DEFB108B: variants seen among roughly 807,000 people sequenced by gnomAD.
The protein encoded by DEFB108B is defensin beta 108B.
In DEFB108B, 3 loss-of-function variants were observed where a neutral mutation model predicts 2.4. That is an observed-to-expected ratio of 1.25 (90% CI 0.57 to 3.24). The LOEUF (loss-of-function observed/expected upper bound fraction) is 3.24. Ranked by LOEUF, DEFB108B falls within the 30% of genes most tolerant of loss-of-function variation. The probability of loss-of-function intolerance (pLI) is 0.03; values close to 1 mark genes in which losing one functional copy is unlikely to be tolerated. For missense variants in DEFB108B, 101 were observed against 87.8 expected, an observed-to-expected ratio of 1.15 and a Z score of -0.60; for synonymous variants, 25 against 28.7, an observed-to-expected ratio of 0.87 and a Z score of 0.41.
intron 1 of DEFB108B, among the ~76,000 whole-genome samples, chr11:71,834,475 A>AT (rs984381023): frequency 2.6e-5 from 4 of 152,068 alleles, no homozygotes; most frequent in Admixed American, 6.6e-5. Flanking sequence ...GGATAAACAA[A>AT]TTTTTTTTGT....
intron 1 of DEFB108B, chr11:71,834,817 C>T (rs1952205525): frequency 6.6e-6 from 1 of 152,158 alleles, no homozygotes; most frequent in African/African-American, 2.4e-5. Context: ...TGATCTTGAG[C>T]AAGTTTCTTT....
chr11:71,837,305 A>T lies in DEFB108B; in HGVS notation c.59-94A>T, dbSNP rs577521004. 814 of 1,455,858 alleles carry T rather than the reference A, an allele frequency of 5.6e-4. 2 individuals are homozygous for T. The highest frequency in any genetic ancestry group is 7.5e-4 in the Non-Finnish European group (781 of 1,044,064). The allele number at this position is 1,455,858 out of a possible 1,614,324, so 90.2% of individuals were successfully genotyped here. On this transcript the variant is annotated intron_variant, in intron 1 of 1. Coordinates refer to ENST00000328698, the MANE Select transcript of DEFB108B (RefSeq NM_001002035.2). Reference sequence around the variant, plus strand: ...ACACACACACACAAATCCACACAAGATTATTTTCAAGCACTGCCCCCTACA... The same window carrying T: ...ACACACACACACAAATCCACACAAGTTTATTTTCAAGCACTGCCCCCTACA...
intron 1 of DEFB108B, among the ~76,000 whole-genome samples, chr11:71,835,793 ATTCCACAATCAT>A (rs1453306018): frequency 2.0e-5 from 3 of 152,240 alleles, no homozygotes; most frequent in Non-Finnish European, 2.9e-5. Context: ...TTAATCAATT[ATTCCACAATCAT>A]TTACTGAATA....
chr11:71,833,261 A>T lies in DEFB108B; in HGVS notation c.58+4A>T, dbSNP rs565971897. ...TTTATGAGCCAAGTTCTACCAGGTAACAAAATAAACTTGGTAAGAGTAGAG... is the reference window on the plus strand; with the variant it reads ...TTTATGAGCCAAGTTCTACCAGGTATCAAAATAAACTTGGTAAGAGTAGAG... On this transcript the variant is annotated splice_donor_region_variant and intron_variant, in intron 1 of 1. Coordinates refer to ENST00000328698, the MANE Select transcript of DEFB108B (RefSeq NM_001002035.2). 1.9e-6 allele frequency: 3 copies of T among 1,549,106 alleles called. No individual in the cohort carries two copies. The African/African-American group carries it at 4.1e-5, about 21-fold the overall frequency.
chr11:71,837,549 C>T lies in DEFB108B; in HGVS notation c.209C>T (p.Pro70Leu), dbSNP rs760706013. 153 of 1,609,794 alleles carry T rather than the reference C, an allele frequency of 9.5e-5. No individual in the cohort carries two copies. Among genetic ancestry groups the T allele is most frequent in the Non-Finnish European group, 1.3e-4 (150 of 1,179,038 alleles). Residue 70 changes from proline to leucine, a missense_variant, in exon 2 of 2, where the codon CCC becomes CTC. By Grantham distance (98) the Pro-to-Leu change is moderately conservative (BLOSUM62 -3). Coordinates refer to ENST00000328698, the MANE Select transcript of DEFB108B (RefSeq NM_001002035.2). Reference sequence around the variant, plus strand: ...CAACCAAGAATTGAGAGCACTACACCCAAAAAGGACTGAAGCCTGTTGTTT... The same window carrying T: ...CAACCAAGAATTGAGAGCACTACACTCAAAAAGGACTGAAGCCTGTTGTTT... Reference protein sequence around the residue: ...GHQPRIESTTPKKD With the variant: ...GHQPRIESTTLKKD
At position 71,837,441 on chromosome 11, in the gene DEFB108B, C is replaced by A; in HGVS notation, c.101C>A (p.Ser34Tyr). 2 of 1,611,992 alleles carry A rather than the reference C, an allele frequency of 1.2e-6. No individual in the cohort carries two copies. Among genetic ancestry groups the A allele is most frequent in the Non-Finnish European group, 1.7e-6 (2 of 1,179,834 alleles). ...FKEICERPNG[S>Y]CRDFCLETEI... ...GAGATCTGTGAACGTCCAAATGGCTCCTGTCGGGACTTTTGCCTTGAAACA... is the reference window on the plus strand; with the variant it reads ...GAGATCTGTGAACGTCCAAATGGCTACTGTCGGGACTTTTGCCTTGAAACA... Residue 34 changes from serine to tyrosine, a missense_variant, in exon 2 of 2, where the codon TCC becomes TAC. By Grantham distance (144) the Ser-to-Tyr change is moderately radical. Coordinates refer to ENST00000328698, the MANE Select transcript of DEFB108B (RefSeq NM_001002035.2).
At chr11:71,833,584 C>T (rs1461579621) in intron 1 of DEFB108B, among the ~76,000 whole-genome samples, 1 of 152,222 alleles carries the variant, frequency 6.6e-6, no homozygotes, top group Non-Finnish European at 1.5e-5. Context: ...TAGTTTCCTT[C>T]AGCAACAGTT....
At chr11:71,834,966 G>T (rs1206323965) in intron 1 of DEFB108B, 1 of 152,124 alleles carries the variant, frequency 6.6e-6, no homozygotes, top group African/African-American at 2.4e-5. Flanking sequence ...AATACACAAG[G>T]TTTACAAGCA....
intron 1 of DEFB108B, among the ~76,000 whole-genome samples, chr11:71,833,776 C>T (rs1231074366): frequency 2.6e-5 from 4 of 152,352 alleles, no homozygotes; most frequent in Non-Finnish European, 4.4e-5. Context: ...ATCTCCATCC[C>T]TGGCTTTCCC....
intron 1 of DEFB108B, among the ~76,000 whole-genome samples, chr11:71,835,520 C>T (rs1952210727): frequency 6.6e-6 from 1 of 152,118 alleles, no homozygotes; most frequent in Non-Finnish European, 1.5e-5. Flanking sequence ...CATACCTTTG[C>T]TACTGTGAAT....
At chr11:71,834,278 G>T (rs1373152521) in intron 1 of DEFB108B, among the ~76,000 whole-genome samples, 1 of 151,966 alleles carries the variant, frequency 6.6e-6, no homozygotes, top group South Asian at 2.1e-4. Flanking sequence ...CACAACATCG[G>T]GGACTGACTT....
intron 1 of DEFB108B, 31 bp downstream of exon 1, chr11:71,833,288 G>A: frequency 6.4e-7 from 1 of 1,559,222 alleles, no homozygotes. Flanking sequence ...AGAGTAGAGT[G>A]CCTAACACCT....
intron 1 of DEFB108B, among the ~76,000 whole-genome samples, chr11:71,836,341 C>T (rs1372477090): frequency 1.2e-4 from 18 of 152,026 alleles, no homozygotes; most frequent in Admixed American, 1.0e-3. Flanking sequence ...TTAAATGGAA[C>T]CTAATGCATT....
In DEFB108B at chr11:71,837,594, C is replaced by G. The variant is rs1162340104; in HGVS notation, c.*32C>G. The G allele has an allele frequency of 1.3e-6, 2 of 1,599,942 alleles. No individual in the cohort carries two copies. The highest frequency in any genetic ancestry group is 1.7e-6 in the Non-Finnish European group (2 of 1,173,886). The stretch of plus-strand genomic sequence containing the variant: ...TTGTTTTCTGGAGGTTTTATGTTCT[C>G]TTTTTTCTCTCTCCCTCTCTCTGTC... On this transcript the variant is annotated 3_prime_UTR_variant, in exon 2 of 2. Coordinates refer to ENST00000328698, the MANE Select transcript of DEFB108B (RefSeq NM_001002035.2).
chr11:71,833,559 T>C (rs559329738), intron 1 of DEFB108B, among the ~76,000 whole-genome samples: 1 of 152,324 alleles, frequency 6.6e-6, no homozygotes, highest in Admixed American at 6.5e-5. Flanking sequence ...TAAATCTTGG[T>C]CTCCAAAGCT....
At chr11:71,833,848 C>T (rs1219355904) in intron 1 of DEFB108B, among the ~76,000 whole-genome samples, 1 of 152,108 alleles carries the variant, frequency 6.6e-6, no homozygotes, top group Non-Finnish European at 1.5e-5. Flanking sequence ...AGGGATGACC[C>T]CACACCAGGG....
At chr11:71,836,581 G>A (rs1051614794) in intron 1 of DEFB108B, among the ~76,000 whole-genome samples, 4 of 152,114 alleles carry the variant, frequency 2.6e-5, no homozygotes, top group African/African-American at 7.2e-5. Flanking sequence ...CAGTGTGTGT[G>A]GCCTATCCCC....
Position 71,837,544 on chromosome 11 carries a change from T to G in DEFB108B, c.204T>G (p.Thr68=). Reference sequence around the variant, plus strand: ...GGCATCAACCAAGAATTGAGAGCACTACACCCAAAAAGGACTGAAGCCTGT... The same window carrying G: ...GGCATCAACCAAGAATTGAGAGCACGACACCCAAAAAGGACTGAAGCCTGT... The part of the protein sequence containing the change: ...PLGHQPRIES[T]TPKKD Residue 68 remains threonine (T), a synonymous_variant, in exon 2 of 2, where the codon ACT becomes ACG. Transcript: ENST00000328698. The G allele has an allele frequency of 1.2e-6, 2 of 1,611,374 alleles. No individual in the cohort carries two copies. The highest frequency in any genetic ancestry group is 1.7e-6 in the Non-Finnish European group (2 of 1,179,564).
intron 1 of DEFB108B, among the ~76,000 whole-genome samples, chr11:71,834,002 T>G (rs1346335692): frequency 6.6e-6 from 1 of 152,222 alleles, no homozygotes; most frequent in African/African-American, 2.4e-5. Context: ...AAAAATTTTC[T>G]GGAACTCCTG....
Sources: gnomAD v4.1 joint callset for allele counts (sites outside exome capture counted in the v4.1 genomes callset) on GRCh38, gnomAD v4.1.1 for gene constraint, MANE v1.5 for transcripts, NCBI Gene and HGNC (gene_info 2026-07-23, HGNC 2026-07-21) for gene names.